PPFIA2: variants seen among roughly 807,000 people sequenced by gnomAD.
PPFIA2 encodes liprin-alpha-2.
A neutral mutation model predicts 175.5 loss-of-function variants in PPFIA2; 46 were observed. That is an observed-to-expected ratio of 0.26 (90% CI 0.21 to 0.34). The LOEUF (loss-of-function observed/expected upper bound fraction) is 0.34, where lower values mean the gene tolerates loss of function less well. Among genes scored for constraint, PPFIA2 ranks in the 10% least tolerant of loss-of-function variants. PPFIA2 has a pLI of 1.00. For missense variants in PPFIA2, 1,179 were observed against 1,506.1 expected (o/e 0.78, Z 3.60); for synonymous variants, 568 against 511.4 (o/e 1.11, Z -1.49).
chr12:81,493,246 C>A lies in PPFIA2; in HGVS notation c.304-35380G>T, dbSNP rs563077688. On this transcript the variant is annotated intron_variant, in intron 4 of 32. Transcript: ENST00000549396. ...TTGGAGACGCTAATATAGAAGTCAT[C>A]ATTTATAAAAAGGTACTTAAATCTC... is the stretch of plus-strand genomic sequence containing the variant. 3.9e-5 allele frequency among the ~76,000 whole-genome samples: 6 copies of A among 152,122 alleles called. No homozygotes were observed. The East Asian group carries it at 7.7e-4, about 20-fold the overall frequency.
intron 4 of PPFIA2, among the ~76,000 whole-genome samples, chr12:81,598,825 T>C (rs2059518138): frequency 6.6e-6 from 1 of 151,962 alleles, no homozygotes; most frequent in Non-Finnish European, 1.5e-5. Context: ...ATGTCATGAA[T>C]ACGAATGAAA....
chr12:81,499,157 G>A (rs1392020784), intron 4 of PPFIA2, among the ~76,000 whole-genome samples: 1 of 152,114 alleles, frequency 6.6e-6, no homozygotes, highest in Non-Finnish European at 1.5e-5. Flanking sequence ...AGCATCCTTT[G>A]CCAGGACATA....
At chr12:81,420,930 T>A (rs1286598471) in intron 7 of PPFIA2, among the ~76,000 whole-genome samples, 1 of 151,660 alleles carries the variant, frequency 6.6e-6, no homozygotes, top group Non-Finnish European at 1.5e-5. Flanking sequence ...AAAAAGCAAC[T>A]CATTATGTGA....
chr12:81,655,662 A>C (rs775345867), intron 4 of PPFIA2, among the ~76,000 whole-genome samples: 11 of 151,970 alleles, frequency 7.2e-5, no homozygotes, highest in Admixed American at 1.3e-4. Flanking sequence ...TGCTGTTAAA[A>C]GAAAATGTAT....
intron 4 of PPFIA2, among the ~76,000 whole-genome samples, chr12:81,474,239 C>T (rs1239337270): frequency 6.6e-6 from 1 of 152,186 alleles, no homozygotes; most frequent in Non-Finnish European, 1.5e-5. Context: ...TCACTGCAAC[C>T]TCCACCTCCC....
intron 4 of PPFIA2, among the ~76,000 whole-genome samples, chr12:81,584,192 ATTG>A (rs139418922): frequency 0.015 from 2,212 of 152,028 alleles, 47 homozygotes; most frequent in East Asian, 0.041. Context: ...TTTGAAATAT[ATTG>A]TTGTTAAAAC....
At chr12:81,512,411 C>G (rs1416356481) in intron 4 of PPFIA2, 4 of 1,216,384 alleles carry the variant, frequency 3.3e-6, no homozygotes, top group Middle Eastern at 2.2e-4. Context: ...GATGCTGGAC[C>G]CAGCCTAAAA....
chr12:81,356,130 A>G (rs1355489804), intron 16 of PPFIA2, among the ~76,000 whole-genome samples: 3 of 152,158 alleles, frequency 2.0e-5, no homozygotes, highest in African/African-American at 7.2e-5. Flanking sequence ...AGGCTATTGT[A>G]GGGTTATTAA....
At chr12:81,472,420 T>C (rs1417059049) in intron 4 of PPFIA2, 1 of 152,170 alleles carries the variant, frequency 6.6e-6, no homozygotes, top group Non-Finnish European at 1.5e-5. Flanking sequence ...GGGTAAGCTA[T>C]GTTAGTTATT....
intron 9 of PPFIA2, among the ~76,000 whole-genome samples, chr12:81,377,595 CTCA>C (rs1342075992): frequency 6.6e-6 from 1 of 151,786 alleles, no homozygotes; most frequent in Non-Finnish European, 1.5e-5. Flanking sequence ...CACCATGAAA[CTCA>C]TCATGTTGTC....
chr12:81,451,745 T>C (rs1295058633), intron 5 of PPFIA2, among the ~76,000 whole-genome samples: 1 of 152,154 alleles, frequency 6.6e-6, no homozygotes, highest in Non-Finnish European at 1.5e-5. Context: ...ACTTGTTGAA[T>C]TGGGTTAATG....
At chr12:81,708,300 T>C (rs939599349) in intron 3 of PPFIA2, among the ~76,000 whole-genome samples, 2 of 152,110 alleles carry the variant, frequency 1.3e-5, no homozygotes, top group East Asian at 1.9e-4. Flanking sequence ...GAGGGTGGTA[T>C]ATAATTTAAA....
In PPFIA2 at chr12:81,339,280, G is replaced by A. The variant is rs1181496329; in HGVS notation, c.2448C>T (p.Ser816=). The change falls in exon 21 of 33, where the codon AGC becomes AGT. Residue 816 remains serine, a synonymous_variant. Coordinates refer to ENST00000549396, the MANE Select transcript of PPFIA2 (RefSeq NM_003625.5). ...PESLGLGSAN[S]SQDSLHKAPK... Reference sequence around the variant, plus strand: ...GGGCTTTGTGAAGAGAGTCTTGGCTGCTGTTGGCACTACCAAGCCCGAGGC... The same window carrying A: ...GGGCTTTGTGAAGAGAGTCTTGGCTACTGTTGGCACTACCAAGCCCGAGGC... 2 of 1,610,196 alleles carry A rather than the reference G, an allele frequency of 1.2e-6. No individual in the cohort carries two copies. Among genetic ancestry groups the A allele is most frequent in the Admixed American group, 1.7e-5 (1 of 59,550 alleles).
At chr12:81,739,660 A>G (rs113046286) in intron 3 of PPFIA2, among the ~76,000 whole-genome samples, 5 of 152,060 alleles carry the variant, frequency 3.3e-5, no homozygotes, top group African/African-American at 9.7e-5. Flanking sequence ...AATTAATAAA[A>G]AATTTTGAAC....
In PPFIA2 at chr12:81,681,097, G is replaced by C. The variant is rs78257533; in HGVS notation, c.250-4253C>G. On this transcript the variant is annotated intron_variant, in intron 3 of 32. Coordinates refer to ENST00000549396, the MANE Select transcript of PPFIA2 (RefSeq NM_003625.5). ...TGGATTCATCGTCTCCTTATCACTC[G>C]AATCTGTAGAAGTGTAGCAAGCACC... Among the ~76,000 whole-genome samples the C allele has an allele frequency of 7.3e-3, 1,110 of 152,064 alleles. 13 individuals are homozygous for C. Among genetic ancestry groups the C allele is most frequent in the African/African-American group, 0.025 (1,050 of 41,522 alleles).
intron 4 of PPFIA2, among the ~76,000 whole-genome samples, chr12:81,488,702 A>C (rs2059111761): frequency 6.6e-6 from 1 of 151,788 alleles, no homozygotes; most frequent in Non-Finnish European, 1.5e-5. Context: ...TATTCTAGGA[A>C]GCCTATGATC....
Position 81,353,251 on chromosome 12 carries a change from G to C in PPFIA2, c.1862C>G (p.Ser621Cys). The C allele has an allele frequency of 6.2e-7, 1 of 1,613,634 alleles. No homozygotes were observed. The highest frequency in any genetic ancestry group is 2.2e-5 in the East Asian group (1 of 44,846). ...TTCTCTGTCATCATCATCAATATCA[G>C]ACATTTCAGTGTCACTTTCAAAAGG... ...SHPFESDTEM[S>C]DIDDDDRETI... The change falls in exon 17 of 33, where the codon TCT (serine) becomes TGT (cysteine). Residue 621 changes from serine to cysteine, a missense_variant. Ser to Cys is a moderately radical substitution (Grantham distance 112). Coordinates refer to ENST00000549396, the MANE Select transcript of PPFIA2 (RefSeq NM_003625.5).
chr12:81,505,346 T>C (rs983058021), intron 4 of PPFIA2, among the ~76,000 whole-genome samples: 1 of 151,132 alleles, frequency 6.6e-6, no homozygotes, highest in East Asian at 1.9e-4. Context: ...AGAGGTTCAG[T>C]TGAATATGTT....
chr12:81,336,394 T>C (rs907669219), intron 21 of PPFIA2, among the ~76,000 whole-genome samples: 12 of 152,186 alleles, frequency 7.9e-5, no homozygotes, highest in African/African-American at 2.2e-4. Flanking sequence ...CATATTGAGT[T>C]TGATTCTTCA....
Sources: allele counts gnomAD v4.1 joint callset (sites outside exome capture counted in the v4.1 genomes callset), GRCh38; gene constraint gnomAD v4.1.1; transcripts MANE v1.5; gene names NCBI Gene and HGNC (gene_info 2026-07-23, HGNC 2026-07-21).